The following TNRC6A variants were observed in gnomAD, a reference collection of about 807,000 sequenced individuals.
TNRC6A encodes the protein trinucleotide repeat-containing gene 6A protein.
TNRC6A carries 44 observed loss-of-function variants against 221.2 expected under a neutral mutation model. The ratio of observed to expected loss-of-function variants is 0.20; its 90% CI spans 0.16 to 0.26. The LOEUF (loss-of-function observed/expected upper bound fraction) is 0.26. Ranked by LOEUF, TNRC6A falls within the 10% of genes least tolerant of loss-of-function variation. The probability of loss-of-function intolerance (pLI) is 1.00; values close to 1 mark genes in which losing one functional copy is unlikely to be tolerated. For missense variants in TNRC6A, 2,199 were observed against 2,404.4 expected (o/e 0.91, Z 1.79); for synonymous variants, 847 against 838.5 (o/e 1.01, Z -0.18).
At chr16:24,757,818 T>G (rs2057284419) in intron 3 of TNRC6A, among the ~76,000 whole-genome samples, 1 of 152,208 alleles carries the variant, frequency 6.6e-6, no homozygotes, top group Non-Finnish European at 1.5e-5. Flanking sequence ...TACTTAAAAG[T>G]TGACTAAGTT....
intron 2 of TNRC6A, among the ~76,000 whole-genome samples, chr16:24,654,332 C>T (rs1902833440): frequency 6.6e-6 from 1 of 152,184 alleles, no homozygotes; most frequent in Admixed American, 6.5e-5. Context: ...TGAATGATTA[C>T]ACTGTGCTTA....
chr16:24,783,621 A>G (rs1368824294), intron 5 of TNRC6A, among the ~76,000 whole-genome samples: 2 of 152,140 alleles, frequency 1.3e-5, no homozygotes, highest in Non-Finnish European at 2.9e-5. Flanking sequence ...TAGATTTCAA[A>G]TATTTCTAAA....
At chr16:24,629,566 C>T (rs1029657383) in intron 1 of TNRC6A, among the ~76,000 whole-genome samples, 2 of 152,246 alleles carry the variant, frequency 1.3e-5, no homozygotes, top group African/African-American at 4.8e-5. Flanking sequence ...TCCAGTTGAC[C>T]GCCCAGTACT....
At chr16:24,610,808 G>GATTT (rs948558527) in intron 1 of TNRC6A, among the ~76,000 whole-genome samples, 24 of 151,162 alleles carry the variant, frequency 1.6e-4, no homozygotes, top group South Asian at 4.2e-4. Context: ...CCTGCCCTCA[G>GATTT]ATTTATTTAT....
intron 2 of TNRC6A, among the ~76,000 whole-genome samples, chr16:24,746,993 A>G (rs757262946): frequency 2.0e-5 from 3 of 152,168 alleles, no homozygotes; most frequent in Non-Finnish European, 4.4e-5. Context: ...CCAGAAACGC[A>G]TTCTTGAACG....
intron 1 of TNRC6A, among the ~76,000 whole-genome samples, chr16:24,630,164 A>G (rs910539708): frequency 6.6e-6 from 1 of 152,102 alleles, no homozygotes; most frequent in Non-Finnish European, 1.5e-5. Flanking sequence ...ACCTGGGCCA[A>G]TCTAATCTGC....
chr16:24,823,189 T>A lies in TNRC6A; in HGVS notation c.5513+176T>A, dbSNP rs1346140382. On this transcript the variant is annotated intron_variant, in intron 24 of 24. Transcript: ENST00000395799. This position sits in a 1 kb window ranked among gnomAD's most constrained non-coding sequence, Gnocchi z 4.3. ...GGAATCAGACCTGGCTAGATGGCCC[T>A]AGAAAGTCCCTTACGTTGCCCATGG... 6.6e-6 allele frequency among the ~76,000 whole-genome samples: 1 copy of A among 152,184 alleles called. No homozygotes were observed. Among genetic ancestry groups the A allele is most frequent in the African/African-American group, 2.4e-5 (1 of 41,462 alleles).
chr16:24,640,629 T>G (rs1901897886), intron 1 of TNRC6A, among the ~76,000 whole-genome samples: 1 of 149,896 alleles, frequency 6.7e-6, no homozygotes, highest in African/African-American at 2.5e-5. Context: ...CTTGGGAGGC[T>G]GTGGCAGGAG....
rs780324564 is a variant in TNRC6A, at chr16:24,791,711, C to T, written c.3069C>T (p.Asn1023=). The T allele has an allele frequency of 1.2e-6, 2 of 1,613,518 alleles. No homozygotes were observed. The highest frequency in any genetic ancestry group is 1.7e-6 in the Non-Finnish European group (2 of 1,179,790). The change falls in exon 6 of 25, where the codon AAC becomes AAT. Residue 1023 remains asparagine (N), a synonymous_variant. Coordinates refer to ENST00000395799, the MANE Select transcript of TNRC6A (RefSeq NM_014494.4). ...KYNYKNVNMW[N]KNVPNGNSRS... ...ACTACAAAAATGTGAACATGTGGAA[C>T]AAAAACGTCCCAAATGGCAACAGCC...
At chr16:24,754,140 C>A (rs1386886957) in intron 3 of TNRC6A, among the ~76,000 whole-genome samples, 2 of 151,960 alleles carry the variant, frequency 1.3e-5, no homozygotes, top group African/African-American at 4.8e-5. Context: ...ATTTAATGGT[C>A]CCCAGTAGCC....
At chr16:24,621,146 T>C (rs932887467) in intron 1 of TNRC6A, among the ~76,000 whole-genome samples, 1 of 146,848 alleles carries the variant, frequency 6.8e-6, no homozygotes, top group African/African-American at 2.5e-5. Context: ...AGAAAAATAG[T>C]ATTCAAGTTG....
intron 2 of TNRC6A, among the ~76,000 whole-genome samples, chr16:24,716,978 A>G (rs2056326079): frequency 6.9e-6 from 1 of 145,228 alleles, no homozygotes; most frequent in South Asian, 2.1e-4. Context: ...AGAAAAAAAA[A>G]AAAAAGAAAA....
At chr16:24,642,438 A>G (rs900004275) in intron 2 of TNRC6A, among the ~76,000 whole-genome samples, 4 of 152,174 alleles carry the variant, frequency 2.6e-5, no homozygotes, top group Admixed American at 1.3e-4. Flanking sequence ...AGTAGGTTAT[A>G]TCCCATGCAA....
chr16:24,627,941 C>T (rs1276517847), intron 1 of TNRC6A, among the ~76,000 whole-genome samples: 2 of 151,096 alleles, frequency 1.3e-5, no homozygotes, highest in Non-Finnish European at 3.0e-5. Flanking sequence ...TCGTGATCTG[C>T]CCGCCTCGGC....
At chr16:24,740,146 T>C (rs908905737) in intron 2 of TNRC6A, among the ~76,000 whole-genome samples, 6 of 152,258 alleles carry the variant, frequency 3.9e-5, no homozygotes, top group Non-Finnish European at 7.3e-5. Context: ...GTGTTCATCA[T>C]TATGCCACTT....
intron 2 of TNRC6A, among the ~76,000 whole-genome samples, chr16:24,661,204 T>A (rs1008516786): frequency 7.9e-5 from 12 of 152,112 alleles, no homozygotes; most frequent in African/African-American, 2.9e-4. Context: ...TTGTACCTAA[T>A]GTTCAGTTTT....
Position 24,771,244 on chromosome 16 carries a change from T to C in TNRC6A, c.164-5689T>C, listed in dbSNP as rs889923118. On this transcript the variant is annotated intron_variant, in intron 4 of 24. Transcript: ENST00000395799. Reference sequence around the variant, plus strand: ...ATGGTAAATGTATATACAACACACATAAACGAAACCTTTTGGAGTTCTCAG... The same window carrying C: ...ATGGTAAATGTATATACAACACACACAAACGAAACCTTTTGGAGTTCTCAG... 2.0e-5 allele frequency among the ~76,000 whole-genome samples: 3 copies of C among 152,218 alleles called. No homozygotes were observed. The East Asian group carries it at 5.8e-4, about 29-fold the overall frequency.
At chr16:24,806,116 G>A in intron 15 of TNRC6A, 90 bp from the exon 16 acceptor site, 4 of 1,435,530 alleles carry the variant, frequency 2.8e-6, no homozygotes, top group Non-Finnish European at 3.8e-6. Flanking sequence ...ATCACGTCGT[G>A]CCTCTGTAGG....
chr16:24,621,078 C>A (rs574200415), intron 1 of TNRC6A, among the ~76,000 whole-genome samples: 17 of 110,008 alleles, frequency 1.5e-4, no homozygotes, highest in African/African-American at 5.5e-4. Context: ...AGCAAGACGC[C>A]GTCTCAAAAA....
Sources: gnomAD v4.1 joint callset for allele counts (sites outside exome capture counted in the v4.1 genomes callset) on GRCh38, gnomAD v4.1.1 for gene constraint, Gnocchi (gnomAD v3.1) non-coding constraint, MANE v1.5 for transcripts, NCBI Gene and HGNC (gene_info 2026-07-23, HGNC 2026-07-21) for gene names.